The following CTDSPL2 variants were observed in gnomAD, a reference collection of about 807,000 sequenced individuals.
The protein encoded by CTDSPL2 is CTD small phosphatase like 2.
CTDSPL2 carries 5 observed loss-of-function variants against 60.0 expected under a neutral mutation model. That is an observed-to-expected ratio of 0.08 (90% CI 0.04 to 0.18). CTDSPL2 has a LOEUF of 0.18. Ranked by LOEUF, CTDSPL2 falls within the 10% of genes least tolerant of loss-of-function variation. The pLI is 1.00. For synonymous variants in CTDSPL2, 186 were observed against 189.3 expected, an observed-to-expected ratio of 0.98 and a Z score of 0.14; for missense variants, 370 against 548.8, an observed-to-expected ratio of 0.67 and a Z score of 3.26.
chr15:44,505,177 A>G (rs1444568822), intron 8 of CTDSPL2, among the ~76,000 whole-genome samples: 2 of 152,158 alleles, frequency 1.3e-5, no homozygotes, highest in South Asian at 2.1e-4. Flanking sequence ...CATGCCTGTA[A>G]TGATAGCACT....
chr15:44,444,323 A>G (rs2080156093), intron 1 of CTDSPL2, among the ~76,000 whole-genome samples: 1 of 148,468 alleles, frequency 6.7e-6, no homozygotes, highest in East Asian at 1.9e-4. Flanking sequence ...ACACACACAC[A>G]CACACACACA....
intron 2 of CTDSPL2, among the ~76,000 whole-genome samples, chr15:44,467,491 TTGTAAAA>T (rs1325054067): frequency 6.6e-6 from 1 of 152,166 alleles, no homozygotes; most frequent in Non-Finnish European, 1.5e-5. Flanking sequence ...CTATTCCTGT[TTGTAAAA>T]TGTTTTTATT....
At chr15:44,506,732 T>G (rs1335323886) in intron 8 of CTDSPL2, among the ~76,000 whole-genome samples, 1 of 145,828 alleles carries the variant, frequency 6.9e-6, no homozygotes, top group East Asian at 2.1e-4. Flanking sequence ...TTTAAAAAAT[T>G]TCTTTTCAGG....
intron 1 of CTDSPL2, among the ~76,000 whole-genome samples, chr15:44,434,013 A>G (rs994089208): frequency 3.3e-5 from 5 of 151,906 alleles, no homozygotes; most frequent in Non-Finnish European, 5.9e-5. Flanking sequence ...GTAATCTAAC[A>G]ACCCATATAT....
intron 8 of CTDSPL2, among the ~76,000 whole-genome samples, chr15:44,508,498 TAAAAG>T (rs2081510096): frequency 6.6e-6 from 1 of 151,936 alleles, no homozygotes; most frequent in African/African-American, 2.4e-5. Flanking sequence ...TCTTTTTGAT[TAAAAG>T]AAAACAGATG....
intron 2 of CTDSPL2, among the ~76,000 whole-genome samples, chr15:44,478,853 G>C (rs1436721327): frequency 1.3e-5 from 2 of 151,938 alleles, no homozygotes; most frequent in African/African-American, 4.8e-5. Context: ...GTGGTGGCAG[G>C]CACCTGTAAT....
intron 2 of CTDSPL2, among the ~76,000 whole-genome samples, chr15:44,478,716 T>A (rs1160076725): frequency 2.6e-5 from 4 of 152,066 alleles, no homozygotes; most frequent in Admixed American, 2.6e-4. Context: ...GCTTGGTGGC[T>A]CAGGCCTGTA....
intron 8 of CTDSPL2, 143 bp downstream of exon 8, chr15:44,499,956 T>C: frequency 1.8e-6 from 1 of 550,962 alleles, no homozygotes; most frequent in Non-Finnish European, 3.3e-6. Flanking sequence ...TTTAATGATT[T>C]ATTAACAAAA....
intron 6 of CTDSPL2, 126 bp from the exon 7 acceptor site, chr15:44,496,901 A>G (rs896676328): frequency 1.9e-6 from 1 of 534,996 alleles, no homozygotes. Flanking sequence ...CACTTTTATT[A>G]ATATGTTTTA....
chr15:44,442,674 G>C (rs1276776273), intron 1 of CTDSPL2, among the ~76,000 whole-genome samples: 1 of 151,458 alleles, frequency 6.6e-6, no homozygotes, highest in Non-Finnish European at 1.5e-5. Context: ...CACAGTAGTT[G>C]GTTAGCAAAA....
At chr15:44,449,532 T>C (rs1188166327) in intron 1 of CTDSPL2, among the ~76,000 whole-genome samples, 1 of 152,182 alleles carries the variant, frequency 6.6e-6, no homozygotes, top group Admixed American at 6.5e-5. Context: ...GGTTTCACCA[T>C]GTTGGCCAGG....
chr15:44,491,291 A>G (rs1421352287), intron 5 of CTDSPL2, among the ~76,000 whole-genome samples: 2 of 152,226 alleles, frequency 1.3e-5, no homozygotes, highest in Admixed American at 6.5e-5. Context: ...GCTCATGTTT[A>G]TGAATATCCT....
At chr15:44,463,921 TTG>T (rs2080628572) in intron 2 of CTDSPL2, among the ~76,000 whole-genome samples, 1 of 152,336 alleles carries the variant, frequency 6.6e-6, no homozygotes, top group East Asian at 1.9e-4. Context: ...TTTAGGTAAC[TTG>T]CAGTGTCAAT....
chr15:44,446,907 A>G (rs1047448133), intron 1 of CTDSPL2, among the ~76,000 whole-genome samples: 1 of 151,836 alleles, frequency 6.6e-6, no homozygotes, highest in African/African-American at 2.4e-5. Context: ...GGTGCCTGCC[A>G]CTATGCCCAG....
In CTDSPL2 at chr15:44,461,573, CT is replaced by C. The variant is rs35540014; in HGVS notation, c.186+2397del. ...CCAGCTATTTTTAAAGTTTCTCTCC[CT>C]TTTTTTTTTTTTTTTTTTTTTTTAA... On this transcript the variant is annotated intron_variant, in intron 2 of 12. Coordinates refer to ENST00000260327, the MANE Select transcript of CTDSPL2 (RefSeq NM_016396.3). Among the ~76,000 whole-genome samples the C allele has an allele frequency of 6.5e-3, 820 of 125,654 alleles. 4 individuals carry two copies. Among genetic ancestry groups the C allele is most frequent in the African/African-American group, 0.016 (523 of 33,532 alleles). 82.4% of individuals were successfully genotyped at this position (125,654 alleles called of 152,430 possible). A position where few individuals can be genotyped will look rare whatever the true frequency, so the allele number is the denominator to read the frequency against.
At chr15:44,471,367 A>G (rs72717944) in intron 2 of CTDSPL2, among the ~76,000 whole-genome samples, 85 of 152,298 alleles carry the variant, frequency 5.6e-4, no homozygotes, top group South Asian at 2.9e-3. Context: ...TTGAGATATA[A>G]TTTATATACC....
chr15:44,483,742 A>T (rs1034774475), intron 2 of CTDSPL2, among the ~76,000 whole-genome samples: 2 of 152,136 alleles, frequency 1.3e-5, no homozygotes, highest in African/African-American at 2.4e-5. Context: ...TGGTAATTGA[A>T]TAATTGAGGT....
chr15:44,456,676 C>T (rs1332498107), intron 1 of CTDSPL2, among the ~76,000 whole-genome samples: 1 of 151,808 alleles, frequency 6.6e-6, no homozygotes, highest in Non-Finnish European at 1.5e-5. Flanking sequence ...TTTTGTTAAT[C>T]TTTTCAAAAA....
At chr15:44,451,388 G>A (rs965115832) in intron 1 of CTDSPL2, among the ~76,000 whole-genome samples, 1 of 152,162 alleles carries the variant, frequency 6.6e-6, no homozygotes, top group African/African-American at 2.4e-5. Flanking sequence ...GGGATTACAG[G>A]TGTGAGCCAC....
Sources: allele counts gnomAD v4.1 joint callset (sites outside exome capture counted in the v4.1 genomes callset), GRCh38; gene constraint gnomAD v4.1.1; transcripts MANE v1.5; gene names NCBI Gene and HGNC (gene_info 2026-07-23, HGNC 2026-07-21).